The following LPP variants were observed in gnomAD, a reference collection of about 807,000 sequenced individuals.
LPP encodes lipoma-preferred partner.
LPP carries 38 observed loss-of-function variants against 60.4 expected under a neutral mutation model. That is an observed-to-expected ratio of 0.63 (90% CI 0.49 to 0.83). The LOEUF is 0.83. LPP is among the 40% of genes least tolerant of loss of function. The pLI, the probability that LPP is intolerant of heterozygous loss-of-function variation, is 0.00. For missense variants in LPP, 902 were observed against 783.6 expected (o/e 1.15, Z -1.80); for synonymous variants, 328 against 290.8 (o/e 1.13, Z -1.30).
intron 4 of LPP, among the ~76,000 whole-genome samples, chr3:188,482,824 T>C (rs16863367): frequency 0.57 from 86,744 of 152,006 alleles, 25,200 homozygotes; most frequent in Middle Eastern, 0.7. Context: ...GAACATTTCT[T>C]ATCCTGTGGG....
At chr3:188,220,889 G>A (rs1020239631) in intron 1 of LPP, among the ~76,000 whole-genome samples, 1 of 152,170 alleles carries the variant, frequency 6.6e-6, no homozygotes, top group Non-Finnish European at 1.5e-5. Flanking sequence ...GGGGCCACAG[G>A]GAGAAGATCC....
chr3:188,734,103 T>G (rs1721641793), intron 8 of LPP, among the ~76,000 whole-genome samples: 1 of 152,166 alleles, frequency 6.6e-6, no homozygotes, highest in South Asian at 2.1e-4. Flanking sequence ...TGTTGTAGTA[T>G]CTTACTCTGA....
intron 2 of LPP, among the ~76,000 whole-genome samples, chr3:188,285,245 G>T (rs1743533378): frequency 1.3e-5 from 2 of 152,248 alleles, no homozygotes; most frequent in Admixed American, 1.3e-4. Flanking sequence ...AGATAAAGGG[G>T]TATACAGACT....
chr3:188,773,594 C>G (rs1289168929), intron 9 of LPP, among the ~76,000 whole-genome samples: 2 of 152,100 alleles, frequency 1.3e-5, no homozygotes, highest in African/African-American at 4.8e-5. Context: ...ACTTTACACA[C>G]TCTTTAATAA....
chr3:188,314,295 T>C (rs1220287420), intron 2 of LPP, among the ~76,000 whole-genome samples: 1 of 152,150 alleles, frequency 6.6e-6, no homozygotes, highest in Non-Finnish European at 1.5e-5. Context: ...AGTGTTGTTA[T>C]TGTTGTTGTT....
At chr3:188,795,743 G>A (rs1339112862) in intron 9 of LPP, among the ~76,000 whole-genome samples, 2 of 152,136 alleles carry the variant, frequency 1.3e-5, no homozygotes, top group Non-Finnish European at 2.9e-5. Context: ...CTGTGGATCA[G>A]CATACTTTCC....
intron 2 of LPP, among the ~76,000 whole-genome samples, chr3:188,307,319 G>A (rs905459781): frequency 1.3e-5 from 2 of 152,142 alleles, no homozygotes; most frequent in African/African-American, 2.4e-5. Flanking sequence ...TAGAATGATT[G>A]GCGTGCCCTT....
rs566866284 is a variant in LPP at position 188,464,476 on chromosome 3, C to T, written c.194-20116C>T. Among the ~76,000 whole-genome samples, 354 of 152,274 alleles carry T rather than the reference C, an allele frequency of 2.3e-3. 2 individuals are homozygous for T. The highest frequency in any genetic ancestry group is 8.2e-3 in the African/African-American group (339 of 41,554). ...CACCACTGCAGAAAGTTCTGTGGTG[C>T]AGTGTCCATCTAGATGATTCTACAA... On this transcript the variant is annotated intron_variant, in intron 4 of 11. Coordinates refer to ENST00000617246, the MANE Select transcript of LPP (RefSeq NM_001375462.1).
intron 9 of LPP, among the ~76,000 whole-genome samples, chr3:188,863,280 A>G (rs1186900450): frequency 6.6e-6 from 1 of 152,250 alleles, no homozygotes; most frequent in Non-Finnish European, 1.5e-5. Flanking sequence ...ACCCAATGTC[A>G]TACAGCAGAT....
At chr3:188,746,935 G>A (rs1726412742) in intron 8 of LPP, among the ~76,000 whole-genome samples, 1 of 152,122 alleles carries the variant, frequency 6.6e-6, no homozygotes, top group Non-Finnish European at 1.5e-5. Context: ...CCACAGAGTG[G>A]ATTTTCCTTA....
chr3:188,646,121 A>G (rs1482867854), intron 7 of LPP, among the ~76,000 whole-genome samples: 1 of 152,208 alleles, frequency 6.6e-6, no homozygotes, highest in Non-Finnish European at 1.5e-5. Context: ...GGTTGTTGTT[A>G]GGAAGAAATG....
chr3:188,242,599 A>G (rs1266621428), intron 2 of LPP, among the ~76,000 whole-genome samples: 1 of 152,158 alleles, frequency 6.6e-6, no homozygotes, highest in African/African-American at 2.4e-5. Flanking sequence ...AGTCAGGAGT[A>G]GAGAGTTAGG....
rs371890101 is a variant in LPP, at chr3:188,549,951, T to C, written c.429+25164T>C. 5.9e-5 allele frequency among the ~76,000 whole-genome samples: 9 copies of C among 152,198 alleles called. No individual in the cohort carries two copies. The East Asian group carries it at 9.6e-4, about 16-fold the overall frequency. On this transcript the variant is annotated intron_variant, in intron 6 of 11. Transcript: ENST00000617246. ...GTTCTAAAGTCAGTGTCTACTTTCATAGAAAGTATAGTTTGTGACCTCTGT... is the reference window on the plus strand; with the variant it reads ...GTTCTAAAGTCAGTGTCTACTTTCACAGAAAGTATAGTTTGTGACCTCTGT...
chr3:188,261,744 C>CAAAAAAA (rs10565919), intron 2 of LPP, among the ~76,000 whole-genome samples: 1 of 146,566 alleles, frequency 6.8e-6, no homozygotes, highest in Non-Finnish European at 1.5e-5. Flanking sequence ...CCTGTCTCTC[C>CAAAAAAA]AAAAAAAAAA....
intron 5 of LPP, among the ~76,000 whole-genome samples, chr3:188,518,247 C>T (rs555261728): frequency 1.9e-3 from 287 of 152,190 alleles, no homozygotes; most frequent in African/African-American, 6.6e-3. Flanking sequence ...TCACCATTTT[C>T]CCCCACTGAT....
intron 1 of LPP, among the ~76,000 whole-genome samples, chr3:188,209,647 G>A (rs1283857647): frequency 6.6e-6 from 1 of 152,218 alleles, no homozygotes; most frequent in Non-Finnish European, 1.5e-5. Flanking sequence ...CTGAGAACAG[G>A]AGTGGGGATC....
chr3:188,683,493 A>G (rs749713543), intron 7 of LPP, among the ~76,000 whole-genome samples: 4 of 151,918 alleles, frequency 2.6e-5, no homozygotes, highest in Non-Finnish European at 5.9e-5. Context: ...GCACATTTTG[A>G]CTGCTAGTTC....
At chr3:188,795,887 A>G (rs1223970058) in intron 9 of LPP, among the ~76,000 whole-genome samples, 1 of 152,198 alleles carries the variant, frequency 6.6e-6, no homozygotes, top group Admixed American at 6.5e-5. Flanking sequence ...ACTAACATAT[A>G]GATTCGATTT....
intron 7 of LPP, among the ~76,000 whole-genome samples, chr3:188,693,917 A>G (rs1862654184): frequency 6.6e-6 from 1 of 152,162 alleles, no homozygotes; most frequent in African/African-American, 2.4e-5. Flanking sequence ...TTCCTTCCTG[A>G]TGTGAGCTTT....
Sources: gnomAD v4.1 joint callset for allele counts (sites outside exome capture counted in the v4.1 genomes callset) on GRCh38, gnomAD v4.1.1 for gene constraint, MANE v1.5 for transcripts, NCBI Gene and HGNC (gene_info 2026-07-23, HGNC 2026-07-21) for gene names.